ZNF385B: variants seen among roughly 807,000 people sequenced by gnomAD.
ZNF385B encodes the protein zinc finger protein 533.
A neutral mutation model predicts 39.2 loss-of-function variants in ZNF385B; 23 were observed. The observed-to-expected ratio is 0.59, with a 90% CI of 0.42 to 0.83. The LOEUF (loss-of-function observed/expected upper bound fraction) is 0.83. Among genes scored for constraint, ZNF385B ranks in the 40% least tolerant of loss-of-function variants. ZNF385B has a pLI of 0.00. For missense variants in ZNF385B, 552 were observed against 598.9 expected (o/e 0.92, Z 0.82); for synonymous variants, 205 against 222.6 (o/e 0.92, Z 0.70).
At chr2:179,766,443 T>G (rs1413923288) in intron 3 of ZNF385B, among the ~76,000 whole-genome samples, 1 of 152,128 alleles carries the variant, frequency 6.6e-6, no homozygotes, top group Admixed American at 6.5e-5. Context: ...CTACAGAAAT[T>G]TATCATCTTA....
intron 6 of ZNF385B, among the ~76,000 whole-genome samples, chr2:179,473,437 G>C (rs889749156): frequency 6.6e-5 from 10 of 152,120 alleles, no homozygotes; most frequent in African/African-American, 1.9e-4. Flanking sequence ...AGTGTCTGTG[G>C]CATGACAGGC....
At chr2:179,544,794 G>A in intron 4 of ZNF385B, 33 bp downstream of exon 4, 4 of 1,612,658 alleles carry the variant, frequency 2.5e-6, no homozygotes, top group Non-Finnish European at 3.4e-6. Flanking sequence ...TGATGGAGGA[G>A]GACACAAATA....
intron 1 of ZNF385B, among the ~76,000 whole-genome samples, chr2:179,830,230 A>G (rs1332362967): frequency 6.6e-6 from 1 of 152,252 alleles, no homozygotes; most frequent in Admixed American, 6.5e-5. Context: ...ACCATACTGT[A>G]TGCTGGTAAG....
intron 3 of ZNF385B, among the ~76,000 whole-genome samples, chr2:179,623,275 T>C (rs1471640203): frequency 6.6e-6 from 1 of 152,114 alleles, no homozygotes. Flanking sequence ...ATTTGTCTTT[T>C]TTTTTTTTAA....
intron 1 of ZNF385B, among the ~76,000 whole-genome samples, chr2:179,806,822 T>C (rs978419231): frequency 6.6e-6 from 1 of 152,174 alleles, no homozygotes; most frequent in African/African-American, 2.4e-5. Context: ...CCTCCAAACA[T>C]ATGATACATG....
At position 179,555,256 on chromosome 2, in the gene ZNF385B, T is replaced by C. The variant is rs2060831083; in HGVS notation, c.299-10287A>G. ...AAGGAGTACATGCTGTATGATACCATTTATATAAAGCGTAAAACCAGGCAA... is the reference window on the plus strand; with the variant it reads ...AAGGAGTACATGCTGTATGATACCACTTATATAAAGCGTAAAACCAGGCAA... On this transcript the variant is annotated intron_variant, in intron 3 of 9. Transcript: ENST00000410066. 2.7e-5 allele frequency among the ~76,000 whole-genome samples: 4 copies of C among 149,524 alleles called. 1 individual carries two copies. The highest frequency in any genetic ancestry group is 5.9e-5 in the Non-Finnish European group (4 of 67,636).
rs374802950 is a variant in ZNF385B at position 179,705,708 on chromosome 2, C to T, written c.298+63795G>A. 7.2e-4 allele frequency among the ~76,000 whole-genome samples: 110 copies of T among 152,352 alleles called. 1 individual carries two copies. The Middle Eastern group carries it at 0.01, about 14-fold the overall frequency. On this transcript the variant is annotated intron_variant, in intron 3 of 9. Coordinates refer to ENST00000410066, the MANE Select transcript of ZNF385B (RefSeq NM_152520.6). ...ATGAAACCGACCAAGGGTTAGCACACTTTGTCTATAACAGATCAGAGAGCA... is the reference window on the plus strand; with the variant it reads ...ATGAAACCGACCAAGGGTTAGCACATTTTGTCTATAACAGATCAGAGAGCA...
chr2:179,483,304 G>A lies in ZNF385B; in HGVS notation c.683C>T (p.Thr228Ile). Reference protein sequence around the residue: ...SAKANPSCSITPITGNNSDKS... With the variant: ...SAKANPSCSIIPITGNNSDKS... ...GTCAGAGTTGTTGCCTGTGATTGGA[G>A]TGATGGAGCAGCTGGGATTAGCCTT... Residue 228 changes from threonine (T) to isoleucine (I), a missense_variant, in exon 6 of 10, where the codon ACT becomes ATT. Coordinates refer to ENST00000410066, the MANE Select transcript of ZNF385B (RefSeq NM_152520.6). The A allele has an allele frequency of 1.2e-6, 2 of 1,613,994 alleles. No individual in the cohort carries two copies. The highest frequency in any genetic ancestry group is 4.5e-5 in the East Asian group (2 of 44,864).
chr2:179,448,484 A>G (rs2049742296), intron 6 of ZNF385B, among the ~76,000 whole-genome samples: 1 of 152,116 alleles, frequency 6.6e-6, no homozygotes, highest in Non-Finnish European at 1.5e-5. Flanking sequence ...GATCTGTTTC[A>G]GCCATTGACA....
chr2:179,630,265 G>C (rs4600606), intron 3 of ZNF385B, among the ~76,000 whole-genome samples: 23,129 of 152,232 alleles, frequency 0.15, 1,886 homozygotes, highest in Middle Eastern at 0.24. Context: ...TCCCAGTAGG[G>C]GCTGACAGAC....
Position 179,745,771 on chromosome 2 carries a change from C to A in ZNF385B, c.298+23732G>T, listed in dbSNP as rs948220529. The A allele has an allele frequency of 4.6e-6, 7 of 1,533,000 alleles. No individual in the cohort carries two copies. In the African/African-American group the frequency reaches 8.3e-5, roughly 18 times the overall value. The allele number at this position is 1,533,000 out of a possible 1,614,324, so 95.0% of individuals were successfully genotyped here. ...GGCTCTCACCAGCTTCAAGAGCAAC[C>A]AAGTTGGATAAACAAAACTTCCAGT... On this transcript the variant is annotated intron_variant, in intron 3 of 9. Coordinates refer to ENST00000410066, the MANE Select transcript of ZNF385B (RefSeq NM_152520.6).
At chr2:179,653,651 T>A (rs1693428640) in intron 3 of ZNF385B, among the ~76,000 whole-genome samples, 1 of 152,172 alleles carries the variant, frequency 6.6e-6, no homozygotes, top group African/African-American at 2.4e-5. Flanking sequence ...TCCTGCTACT[T>A]TATAAGAGAC....
intron 3 of ZNF385B, among the ~76,000 whole-genome samples, chr2:179,686,767 A>G (rs1303163455): frequency 2.0e-5 from 3 of 152,166 alleles, no homozygotes; most frequent in Non-Finnish European, 4.4e-5. Context: ...TTTAACACTA[A>G]AAATTATCTT....
chr2:179,728,052 C>A (rs919263387), intron 3 of ZNF385B, among the ~76,000 whole-genome samples: 4 of 152,082 alleles, frequency 2.6e-5, no homozygotes, highest in African/African-American at 9.7e-5. Flanking sequence ...GTAGCTCATT[C>A]CCATTCCCAG....
intron 3 of ZNF385B, among the ~76,000 whole-genome samples, chr2:179,658,869 C>A (rs1182311744): frequency 6.6e-6 from 1 of 152,164 alleles, no homozygotes; most frequent in African/African-American, 2.4e-5. Context: ...CTTTCGCCTC[C>A]CCGCTTCAAG....
At chr2:179,720,932 T>TA (rs1700654906) in intron 3 of ZNF385B, among the ~76,000 whole-genome samples, 3 of 143,952 alleles carry the variant, frequency 2.1e-5, no homozygotes, top group Admixed American at 1.4e-4. Flanking sequence ...GCTGTTTTTT[T>TA]TTTTTTTTTT....
intron 1 of ZNF385B, among the ~76,000 whole-genome samples, chr2:179,852,240 A>G (rs1684235811): frequency 1.3e-5 from 2 of 152,338 alleles, no homozygotes; most frequent in South Asian, 2.1e-4. Context: ...CCACAAGGAC[A>G]GAATAAATTG....
At chr2:179,533,891 A>C (rs995727890) in intron 4 of ZNF385B, among the ~76,000 whole-genome samples, 1 of 152,224 alleles carries the variant, frequency 6.6e-6, no homozygotes, top group African/African-American at 2.4e-5. Context: ...TCATAGGGAC[A>C]CAGCTCTCAG....
intron 3 of ZNF385B, among the ~76,000 whole-genome samples, chr2:179,638,388 G>C (rs191145226): frequency 2.6e-5 from 4 of 152,122 alleles, no homozygotes; most frequent in Non-Finnish European, 5.9e-5. Flanking sequence ...AAGAATTTTC[G>C]AATCTGGCTC....
Sources: allele counts gnomAD v4.1 joint callset (sites outside exome capture counted in the v4.1 genomes callset), GRCh38; gene constraint gnomAD v4.1.1; transcripts MANE v1.5; gene names NCBI Gene and HGNC (gene_info 2026-07-23, HGNC 2026-07-21).